CD163: variants seen among roughly 807,000 people sequenced by gnomAD.
CD163 encodes CD163 molecule, also known as scavenger receptor cysteine-rich type 1 protein M130.
Under a neutral mutation model 129.2 loss-of-function variants are expected in CD163, and 64 were observed. The ratio of observed to expected loss-of-function variants is 0.50; its 90% CI spans 0.41 to 0.61. The LOEUF (loss-of-function observed/expected upper bound fraction) is 0.61. Among genes scored for constraint, CD163 ranks in the 20% least tolerant of loss-of-function variants. The pLI is 0.00. For missense variants in CD163, 1,061 were observed against 1,377.9 expected, an observed-to-expected ratio of 0.77 and a Z score of 3.64; for synonymous variants, 446 against 478.5, an observed-to-expected ratio of 0.93 and a Z score of 0.89.
chr12:7,492,387 A>T (rs1949337939), intron 6 of CD163, among the ~76,000 whole-genome samples: 1 of 152,146 alleles, frequency 6.6e-6, no homozygotes, highest in African/African-American at 2.4e-5. Context: ...TATTCTAGTA[A>T]TGCAACCTAA....
chr12:7,502,113 C>T (rs73045114), intron 2 of CD163, among the ~76,000 whole-genome samples: 23,482 of 152,168 alleles, frequency 0.15, 1,928 homozygotes, highest in South Asian at 0.26. Flanking sequence ...TGGCATCTCT[C>T]AATACATTTT....
At chr12:7,495,771 T>C (rs1295162555) in intron 5 of CD163, among the ~76,000 whole-genome samples, 3 of 152,052 alleles carry the variant, frequency 2.0e-5, no homozygotes, top group Non-Finnish European at 4.4e-5. Flanking sequence ...AAAATCACAA[T>C]GAGATACCAT....
chr12:7,488,602 C>T (rs1949288514), intron 6 of CD163, among the ~76,000 whole-genome samples: 1 of 152,146 alleles, frequency 6.6e-6, no homozygotes, highest in Admixed American at 6.6e-5. Flanking sequence ...CCATTTTCTC[C>T]TCCATTCTTT....
intron 16 of CD163, among the ~76,000 whole-genome samples, chr12:7,475,216 G>T (rs1032131381): frequency 6.6e-6 from 1 of 151,268 alleles, no homozygotes; most frequent in African/African-American, 2.4e-5. Context: ...GAAAAAGAGA[G>T]ACTCCTCCCT....
chr12:7,485,159 G>C lies in CD163; in HGVS notation c.2716C>G (p.Pro906Ala). Residue 906 changes from proline (P) to alanine (A), a missense_variant, in exon 11 of 17, where the codon CCA (proline) becomes GCA (alanine). Transcript: ENST00000432237. This position sits in a 1 kb window ranked among gnomAD's most constrained non-coding sequence, Gnocchi z 4.5. The part of the protein sequence containing the change: ...PKGPDTLWQC[P>A]SSPWEKRLAS... ...AGTCTCTTCTCCCATGGAGATGATG[G>C]GCACTGCCACAGCGTGTCAGGTCCT... is the stretch of plus-strand genomic sequence containing the variant. 1 of 1,614,014 alleles carries C rather than the reference G, an allele frequency of 6.2e-7. No individual in the cohort carries two copies.
At chr12:7,476,939 A>G (rs1949096454) in intron 16 of CD163, among the ~76,000 whole-genome samples, 1 of 152,224 alleles carries the variant, frequency 6.6e-6, no homozygotes, top group Non-Finnish European at 1.5e-5. Flanking sequence ...ATATGAACAG[A>G]CACTTCTCAA....
chr12:7,495,042 T>G (rs1592007671), intron 6 of CD163, 39 bp downstream of exon 6: 1 of 1,522,608 alleles, frequency 6.6e-7, no homozygotes, highest in East Asian at 2.3e-5. Flanking sequence ...TACTGGAAAT[T>G]TACACCCTTC....
rs868177374 is a variant in CD163 at position 7,485,964 on chromosome 12, T to G, written c.2458+535A>C. 6.6e-6 allele frequency among the ~76,000 whole-genome samples: 1 copy of G among 152,232 alleles called. No individual in the cohort carries two copies. ...GTTCCCCATAATACATATGAAATAG[T>G]ACATTTTTAAATTTCAGAATGTTTT... is the stretch of plus-strand genomic sequence containing the variant. On this transcript the variant is annotated intron_variant, in intron 10 of 16. Coordinates refer to ENST00000432237, the MANE Select transcript of CD163 (RefSeq NM_203416.4). This position sits in a 1 kb window ranked among gnomAD's most constrained non-coding sequence, Gnocchi z 4.5.
In CD163 at chr12:7,496,903, C is replaced by T; in HGVS notation, c.1009G>A (p.Gly337Arg). The change falls in exon 5 of 17, where the codon GGA becomes AGA. Residue 337 changes from glycine (G) to arginine (R), a missense_variant. Coordinates refer to ENST00000432237, the MANE Select transcript of CD163 (RefSeq NM_203416.4). This position sits in a 1 kb window ranked among gnomAD's most constrained non-coding sequence, Gnocchi z 4.8. ...CATTGCCAGATAGCAGGTTCATGTC[C>T]CTGGCAAGAAACGCTGTCAAGCCAG... ...HIWLDSVSCQ[G>R]HEPAIWQCKH... 2 of 1,613,936 alleles carry T rather than the reference C, an allele frequency of 1.2e-6. No individual in the cohort carries two copies. The highest frequency in any genetic ancestry group is 1.7e-6 in the Non-Finnish European group (2 of 1,179,846).
chr12:7,476,707 C>G (rs1240272308), intron 16 of CD163, among the ~76,000 whole-genome samples: 1 of 152,174 alleles, frequency 6.6e-6, no homozygotes, highest in African/African-American at 2.4e-5. Context: ...ACACCAAAAG[C>G]AATGGCAACA....
At chr12:7,484,605 C>T (rs1190901917) in intron 11 of CD163, among the ~76,000 whole-genome samples, 1 of 147,698 alleles carries the variant, frequency 6.8e-6, no homozygotes, top group Non-Finnish European at 1.5e-5. Context: ...CGCCATTGCA[C>T]TCCAGCCTGG....
chr12:7,479,506 T>C (rs1002182510), intron 16 of CD163, among the ~76,000 whole-genome samples: 2 of 152,168 alleles, frequency 1.3e-5, no homozygotes, highest in African/African-American at 2.4e-5. Context: ...TAGTGCCTTG[T>C]ACAGTCTTTA....
At chr12:7,483,709 G>C (rs771374208) in intron 11 of CD163, 34 bp from the exon 12 acceptor site, 2 of 1,492,278 alleles carry the variant, frequency 1.3e-6, no homozygotes, top group Non-Finnish European at 1.8e-6. Flanking sequence ...CTATTTCTAA[G>C]ACTTCTAAAA....
At position 7,485,085 on chromosome 12, in the gene CD163, T is replaced by C. The variant is rs1054070302; in HGVS notation, c.2779+11A>G. 1 of 1,582,068 alleles carries C rather than the reference T, an allele frequency of 6.3e-7. No homozygotes were observed. Among genetic ancestry groups the C allele is most frequent in the Non-Finnish European group, 8.6e-7 (1 of 1,162,426 alleles). On this transcript the variant is annotated intron_variant, in intron 11 of 16. Transcript: ENST00000432237. The surrounding 1 kb of genome is among the most constrained non-coding windows in gnomAD (Gnocchi z 4.5). ...AGAATGGAATTTTCATATAGGTCGA[T>C]GGATACTCACTGTCACATGTGATCC...
chr12:7,488,060 C>T lies in CD163; in HGVS notation c.1448G>A (p.Gly483Glu). The stretch of plus-strand genomic sequence containing the variant: ...AACACGTCCAGAACAGGGAATGTCC[C>T]CTCCAACCAGTCTGGGTTCCCTGTG... The part of the protein sequence containing the change: ...SAHREPRLVG[G>E]DIPCSGRVEV... The change falls in exon 7 of 17, where the codon GGG becomes GAG. Residue 483 changes from glycine (G) to glutamate (E), a missense_variant. Gly to Glu is a moderately conservative substitution (Grantham distance 98). Coordinates refer to ENST00000432237, the MANE Select transcript of CD163 (RefSeq NM_203416.4). The T allele has an allele frequency of 6.2e-7, 1 of 1,613,446 alleles. No homozygotes were observed. The highest frequency in any genetic ancestry group is 8.5e-7 in the Non-Finnish European group (1 of 1,179,726).
chr12:7,487,346 G>A lies in CD163; in HGVS notation c.2050+13C>T, dbSNP rs201457023. The A allele has an allele frequency of 1.7e-5, 26 of 1,550,372 alleles. No individual in the cohort carries two copies. The highest frequency in any genetic ancestry group is 1.1e-4 in the East Asian group (5 of 44,450). ...TCTTAAGACCCATCACTGGCTGCCC[G>A]TCATCCTCTTACCTGAGCAGATTAC... On this transcript the variant is annotated intron_variant, in intron 8 of 16. Coordinates refer to ENST00000432237, the MANE Select transcript of CD163 (RefSeq NM_203416.4). The surrounding 1 kb of genome is among the most constrained non-coding windows in gnomAD (Gnocchi z 5.1).
chr12:7,474,542 C>T (rs1480508787), intron 16 of CD163, among the ~76,000 whole-genome samples: 3 of 152,092 alleles, frequency 2.0e-5, no homozygotes, highest in African/African-American at 4.8e-5. Context: ...AATAAAGACA[C>T]AACATACAAA....
intron 16 of CD163, among the ~76,000 whole-genome samples, chr12:7,475,718 A>G (rs917132587): frequency 2.0e-5 from 3 of 152,192 alleles, no homozygotes; most frequent in Non-Finnish European, 2.9e-5. Context: ...TATTCAACAG[A>G]GTATTGGAAG....
intron 11 of CD163, among the ~76,000 whole-genome samples, chr12:7,484,227 T>G (rs762846723): frequency 1.3e-5 from 2 of 152,086 alleles, no homozygotes; most frequent in South Asian, 4.2e-4. Flanking sequence ...ATAAGATACA[T>G]AATGTGACCC....
Sources: gnomAD v4.1 joint callset for allele counts (sites outside exome capture counted in the v4.1 genomes callset) on GRCh38, gnomAD v4.1.1 for gene constraint, Gnocchi (gnomAD v3.1) non-coding constraint, MANE v1.5 for transcripts, NCBI Gene and HGNC (gene_info 2026-07-23, HGNC 2026-07-21) for gene names.